Variants in RAB7B observed in about 807,000 individuals in gnomAD.
The protein encoded by RAB7B is ras-related protein Rab-7b.
intron 1 of RAB7B, among the ~76,000 whole-genome samples, chr1:205,996,272 C>A (rs1015687564): frequency 1.3e-5 from 2 of 151,778 alleles, no homozygotes; most frequent in Non-Finnish European, 2.9e-5. Context: ...ATGCACTATC[C>A]CCAATTCCTG....
chr1:205,982,685 G>A (rs1156760894), intron 5 of RAB7B, among the ~76,000 whole-genome samples: 8 of 152,062 alleles, frequency 5.3e-5, no homozygotes, highest in African/African-American at 1.2e-4. Flanking sequence ...AGATCGTTCC[G>A]ACTTCAGAGG....
chr1:205,981,427 C>G (rs1315278372), intron 5 of RAB7B, among the ~76,000 whole-genome samples: 14 of 152,114 alleles, frequency 9.2e-5, no homozygotes, highest in Non-Finnish European at 1.8e-4. Context: ...AACACCTACT[C>G]TGGTCTCTTT....
At chr1:205,994,003 G>T in intron 2 of RAB7B, 80 bp downstream of exon 2, 2 of 398,342 alleles carry the variant, frequency 5.0e-6, no homozygotes, top group South Asian at 2.6e-4. Flanking sequence ...GGACCTATGG[G>T]AGATGGGAAC....
At chr1:205,983,832 T>A (rs1391147644) in intron 5 of RAB7B, 1 of 152,200 alleles carries the variant, frequency 6.6e-6, no homozygotes, top group Non-Finnish European at 1.5e-5. Context: ...CAGCACCATG[T>A]CATAACAGCG....
chr1:205,979,502 G>A (rs1295287392), intron 5 of RAB7B, among the ~76,000 whole-genome samples: 2 of 152,140 alleles, frequency 1.3e-5, no homozygotes, highest in African/African-American at 4.8e-5. Flanking sequence ...GGTCTGCCAA[G>A]CTTCTGCCTT....
chr1:205,984,676 C>T (rs1227677720), intron 5 of RAB7B, among the ~76,000 whole-genome samples: 1 of 152,212 alleles, frequency 6.6e-6, no homozygotes, highest in African/African-American at 2.4e-5. Context: ...TCAGACTTTT[C>T]TACCTGGTGT....
chr1:205,987,903 A>T (rs1394362769), intron 4 of RAB7B, among the ~76,000 whole-genome samples: 7 of 152,162 alleles, frequency 4.6e-5, no homozygotes, highest in Admixed American at 1.3e-4. Context: ...TTTTAAAAAA[A>T]TTTTTGTTTT....
chr1:205,980,178 G>A (rs1012367847), intron 5 of RAB7B, among the ~76,000 whole-genome samples: 10 of 152,184 alleles, frequency 6.6e-5, no homozygotes, highest in African/African-American at 2.4e-4. Context: ...TTGGTTTCTT[G>A]GGGATCCCCC....
At chr1:205,979,864 G>A (rs1332921003) in intron 5 of RAB7B, among the ~76,000 whole-genome samples, 1 of 152,102 alleles carries the variant, frequency 6.6e-6, no homozygotes, top group East Asian at 1.9e-4. Context: ...CTTCTCAGGG[G>A]GCAACTTCCA....
intron 1 of RAB7B, among the ~76,000 whole-genome samples, chr1:206,002,776 A>G (rs1204507871): frequency 6.6e-6 from 1 of 152,142 alleles, no homozygotes; most frequent in Non-Finnish European, 1.5e-5. Flanking sequence ...AATATTTATG[A>G]TTTAGAACAG....
At chr1:205,990,264 T>G (rs1462905799) in intron 4 of RAB7B, among the ~76,000 whole-genome samples, 1 of 152,160 alleles carries the variant, frequency 6.6e-6, no homozygotes, top group African/African-American at 2.4e-5. Context: ...AGAGTTGTGT[T>G]GTGGGCACAA....
intron 4 of RAB7B, among the ~76,000 whole-genome samples, chr1:205,987,909 G>A (rs962465109): frequency 4.0e-4 from 61 of 151,916 alleles, no homozygotes; most frequent in African/African-American, 1.4e-3. Flanking sequence ...AAAAATTTTT[G>A]TTTTGTTTTG....
Position 205,993,444 on chromosome 1 carries a change from C to T in RAB7B, c.156G>A (p.Leu52=). The part of the protein sequence containing the change: ...GASILSKIII[L]GDTTLKLQIW... ...CCTGTAACTTCAAAGTTGTGTCACC[C>T]AATATGATAATCTTGGAGAGGATGC... is the stretch of plus-strand genomic sequence containing the variant. Residue 52 remains leucine, a synonymous_variant, in exon 3 of 6, where the codon TTG becomes TTA. Transcript: ENST00000617070. 1 of 398,532 alleles carries T rather than the reference C, an allele frequency of 2.5e-6. No homozygotes were observed. The highest frequency in any genetic ancestry group is 4.4e-6 in the Non-Finnish European group (1 of 226,064). The allele number at this position is 398,532 out of a possible 1,614,324, so 24.7% of individuals were successfully genotyped here.
intron 1 of RAB7B, among the ~76,000 whole-genome samples, chr1:205,996,143 AGTGTGTGTGTGT>A (rs1182397777): frequency 0.056 from 7,981 of 142,892 alleles, 221 homozygotes; most frequent in Admixed American, 0.063. Context: ...GTAAATGTAT[AGTGTGTGTGTGT>A]GTGTGTGTGT....
intron 5 of RAB7B, among the ~76,000 whole-genome samples, chr1:205,985,333 T>C (rs1467654567): frequency 6.6e-6 from 1 of 152,172 alleles, no homozygotes; most frequent in Non-Finnish European, 1.5e-5. Context: ...GACTGCATGC[T>C]CTAAGGTAGC....
intron 4 of RAB7B, among the ~76,000 whole-genome samples, chr1:205,988,195 ATGTGTGTATATATGATGTATGTATG>A (rs1660647312): frequency 4.8e-5 from 7 of 147,212 alleles, no homozygotes; most frequent in Non-Finnish European, 7.4e-5. Flanking sequence ...ATGTATGTAT[ATGTGTGTATATATGATGTATGTATG>A]TGTGTGTGGG....
intron 5 of RAB7B, 68 bp from the exon 6 acceptor site, chr1:205,978,996 C>T: frequency 5.0e-6 from 2 of 397,748 alleles, no homozygotes; most frequent in East Asian, 3.6e-5. Context: ...CCCTTCATTT[C>T]TTAGTGGGCC....
chr1:205,985,524 C>A lies in RAB7B; in HGVS notation c.522+16G>T, dbSNP rs1056341659. The A allele has an allele frequency of 3.8e-5, 15 of 398,706 alleles. No individual in the cohort carries two copies. The highest frequency in any genetic ancestry group is 6.2e-5 in the Non-Finnish European group (14 of 226,242). 24.7% of individuals were successfully genotyped at this position (398,706 alleles called of 1,614,324 possible). On this transcript the variant is annotated intron_variant, in intron 5 of 5. Transcript: ENST00000617070. ...CAGGGGCGGTCTCAGCAGGTCCTGC[C>A]GCCACAGCCACTCACCCTCGACAGA...
At chr1:205,986,737 G>A (rs1660615331) in intron 4 of RAB7B, among the ~76,000 whole-genome samples, 1 of 152,268 alleles carries the variant, frequency 6.6e-6, no homozygotes, top group African/African-American at 2.4e-5. Flanking sequence ...AAGGGGAAAT[G>A]ACCACATACT....
Sources: allele counts gnomAD v4.1 joint callset (sites outside exome capture counted in the v4.1 genomes callset), GRCh38; gene constraint gnomAD v4.1.1; transcripts MANE v1.5; gene names NCBI Gene and HGNC (gene_info 2026-07-23, HGNC 2026-07-21).